SDCCAG8: variants seen among roughly 807,000 people sequenced by gnomAD.
SDCCAG8 encodes serologically defined colon cancer antigen 8.
SDCCAG8 carries 74 observed loss-of-function variants against 101.8 expected under a neutral mutation model. The ratio of observed to expected loss-of-function variants is 0.73; its 90% confidence interval spans 0.60 to 0.88. The LOEUF (loss-of-function observed/expected upper bound fraction) is 0.88, where lower values mean the gene tolerates loss of function less well. Ranked by LOEUF, SDCCAG8 falls within the 40% of genes least tolerant of loss-of-function variation. The probability of loss-of-function intolerance (pLI) is 0.00; values close to 1 mark genes in which losing one functional copy is unlikely to be tolerated. For synonymous variants in SDCCAG8, 281 were observed against 292.9 expected, an observed-to-expected ratio of 0.96 and a Z score of 0.41; for missense variants, 787 against 822.6, an observed-to-expected ratio of 0.96 and a Z score of 0.53.
At position 243,322,963 on chromosome 1, in the gene SDCCAG8, C is replaced by T. The variant is rs141440682; in HGVS notation, c.1068+6070C>T. On this transcript the variant is annotated intron_variant, in intron 9 of 17. Coordinates refer to ENST00000366541, the MANE Select transcript of SDCCAG8 (RefSeq NM_006642.5). ...CATCCTGGCCAATGTGGTGAGACCC[C>T]GTCTCTACTAAAAATACAAAAATTA... is the stretch of plus-strand genomic sequence containing the variant. 6.9e-3 allele frequency among the ~76,000 whole-genome samples: 1,048 copies of T among 151,950 alleles called. 6 individuals carry two copies. Among genetic ancestry groups the T allele is most frequent in the Non-Finnish European group, 0.01 (689 of 67,960 alleles).
intron 1 of SDCCAG8, among the ~76,000 whole-genome samples, chr1:243,269,785 C>T (rs1029952757): frequency 6.6e-6 from 1 of 152,088 alleles, no homozygotes; most frequent in Non-Finnish European, 1.5e-5. Context: ...GAGCACTTCC[C>T]TTAGCAAGTT....
intron 9 of SDCCAG8, among the ~76,000 whole-genome samples, chr1:243,322,426 T>C (rs2073832084): frequency 6.6e-6 from 1 of 152,138 alleles, no homozygotes; most frequent in African/African-American, 2.4e-5. Context: ...AAAAATAAAG[T>C]AAAAACAATT....
chr1:243,397,134 C>T (rs536487862), intron 13 of SDCCAG8, among the ~76,000 whole-genome samples: 7 of 152,194 alleles, frequency 4.6e-5, no homozygotes, highest in Admixed American at 1.3e-4. Context: ...GGAGCCAGAG[C>T]CAGTTTATTT....
At chr1:243,480,845 G>GGGATGGATGGAT (rs1663577338) in intron 16 of SDCCAG8, among the ~76,000 whole-genome samples, 2 of 125,200 alleles carry the variant, frequency 1.6e-5, no homozygotes, top group African/African-American at 6.8e-5. Flanking sequence ...ATGGATGGGT[G>GGGATGGATGGAT]GGGTGGATGG....
chr1:243,497,735 T>C (rs1359707761), intron 17 of SDCCAG8, among the ~76,000 whole-genome samples: 18 of 152,196 alleles, frequency 1.2e-4, no homozygotes, highest in Non-Finnish European at 2.5e-4. Context: ...GTGGGTGTGT[T>C]CTCTACCCAA....
chr1:243,292,349 A>T (rs2070355408), intron 5 of SDCCAG8, among the ~76,000 whole-genome samples: 1 of 152,178 alleles, frequency 6.6e-6, no homozygotes, highest in African/African-American at 2.4e-5. Flanking sequence ...TCTTATCACC[A>T]TGGAGATCCT....
At chr1:243,287,091 C>A (rs916034022) in intron 5 of SDCCAG8, among the ~76,000 whole-genome samples, 1 of 152,234 alleles carries the variant, frequency 6.6e-6, no homozygotes. Flanking sequence ...GTTTGAAGAA[C>A]GTTGGGTCAG....
intron 16 of SDCCAG8, among the ~76,000 whole-genome samples, chr1:243,466,074 GC>G: frequency 6.6e-6 from 1 of 152,262 alleles, no homozygotes; most frequent in Middle Eastern, 3.4e-3. Flanking sequence ...ATAGCAATGC[GC>G]TATGAGCTAG....
Position 243,398,236 on chromosome 1 carries a change from G to C in SDCCAG8, c.1617-17466G>C, listed in dbSNP as rs183952212. 9.2e-5 allele frequency among the ~76,000 whole-genome samples: 14 copies of C among 152,314 alleles called. No homozygotes were observed. The East Asian group carries it at 2.7e-3, about 29-fold the overall frequency. ...ACGTTTGATTAAGGCTGGATGTTTT[G>C]AGTTTAGAGAGAATGTCTGTGATTC... On this transcript the variant is annotated intron_variant, in intron 13 of 17. Transcript: ENST00000366541.
chr1:243,438,132 G>GT (rs931644795), intron 16 of SDCCAG8, among the ~76,000 whole-genome samples: 2 of 152,126 alleles, frequency 1.3e-5, no homozygotes, highest in Admixed American at 6.5e-5. Flanking sequence ...CTGCTCGTGG[G>GT]TTTTTTTGCC....
At chr1:243,452,681 C>A (rs537855635) in intron 16 of SDCCAG8, among the ~76,000 whole-genome samples, 71 of 152,098 alleles carry the variant, frequency 4.7e-4, no homozygotes, top group African/African-American at 1.7e-3. Flanking sequence ...CCTGCCTCAC[C>A]CTTCCAAAGT....
At chr1:243,497,717 G>A (rs1297571783) in intron 17 of SDCCAG8, among the ~76,000 whole-genome samples, 1 of 152,192 alleles carries the variant, frequency 6.6e-6, no homozygotes, top group Non-Finnish European at 1.5e-5. Context: ...ATTCTGTATT[G>A]TGTGTACGTG....
chr1:243,447,884 T>G (rs1483464233), intron 16 of SDCCAG8, among the ~76,000 whole-genome samples: 5 of 152,184 alleles, frequency 3.3e-5, no homozygotes. Flanking sequence ...GTGGGGTGGT[T>G]CTTGGAGACA....
rs931031844 is a variant in SDCCAG8, at chr1:243,291,545, A to G, written c.547-1546A>G. On this transcript the variant is annotated intron_variant, in intron 5 of 17. Coordinates refer to ENST00000366541, the MANE Select transcript of SDCCAG8 (RefSeq NM_006642.5). ...TTTGAATCCCTGGCATGCAGGCTGC[A>G]TGTCAACTCTGTTTATCACCATACA... 1.6e-4 allele frequency among the ~76,000 whole-genome samples: 24 copies of G among 152,320 alleles called. 2 individuals carry two copies. The highest frequency in any genetic ancestry group is 1.6e-3 in the Admixed American group (24 of 15,296).
At chr1:243,475,090 G>C (rs1328534196) in intron 16 of SDCCAG8, among the ~76,000 whole-genome samples, 1 of 152,086 alleles carries the variant, frequency 6.6e-6, no homozygotes, top group Non-Finnish European at 1.5e-5. Context: ...GCCGCCCCCA[G>C]ACACGCACAG....
At chr1:243,329,484 A>G (rs1018146334) in intron 9 of SDCCAG8, among the ~76,000 whole-genome samples, 3 of 152,194 alleles carry the variant, frequency 2.0e-5, no homozygotes, top group African/African-American at 7.2e-5. Flanking sequence ...TTCCATCTCC[A>G]TTAAAATCAA....
At chr1:243,374,116 A>G (rs1256155074) in intron 12 of SDCCAG8, among the ~76,000 whole-genome samples, 1 of 152,110 alleles carries the variant, frequency 6.6e-6, no homozygotes, top group Non-Finnish European at 1.5e-5. Context: ...TAGAAATACA[A>G]AATGGGTAGA....
intron 12 of SDCCAG8, among the ~76,000 whole-genome samples, chr1:243,371,851 G>T (rs1331766330): frequency 6.6e-6 from 1 of 152,048 alleles, no homozygotes; most frequent in Non-Finnish European, 1.5e-5. Flanking sequence ...CAATATGGTA[G>T]CCATGGAATC....
At chr1:243,272,252 A>C (rs1044860515) in intron 3 of SDCCAG8, among the ~76,000 whole-genome samples, 1 of 152,236 alleles carries the variant, frequency 6.6e-6, no homozygotes, top group Non-Finnish European at 1.5e-5. Flanking sequence ...TTCTAGTTCA[A>C]TACAATGCCT....
Sources: gnomAD v4.1 joint callset for allele counts (sites outside exome capture counted in the v4.1 genomes callset) on GRCh38, gnomAD v4.1.1 for gene constraint, MANE v1.5 for transcripts, NCBI Gene and HGNC (gene_info 2026-07-23, HGNC 2026-07-21) for gene names.